Variants in UTY observed in about 807,000 individuals in gnomAD.
The protein encoded by UTY is histone demethylase UTY.
Under a neutral mutation model 32.5 loss-of-function variants are expected in UTY, and 12 were observed. That is an observed-to-expected ratio of 0.37 (90% CI 0.24 to 0.60). The LOEUF is 0.60. Among genes scored for constraint, UTY ranks in the 20% least tolerant of loss-of-function variants. UTY has a pLI of 0.69. For missense variants in UTY, 303 were observed against 299.2 expected, an observed-to-expected ratio of 1.01 and a Z score of -0.09; for synonymous variants, 131 against 103.4, an observed-to-expected ratio of 1.27 and a Z score of -1.62.
intron 6 of UTY, among the ~76,000 whole-genome samples, chrY:13,404,784 C>A: frequency 3.0e-5 from 1 of 32,995 alleles, no homozygotes; most frequent in Non-Finnish European, 7.5e-5. Context: ...TCATGTTGAT[C>A]CGGCTATAGA....
chrY:13,396,794 C>T, intron 7 of UTY, 124 bp downstream of exon 7: 2 of 144,105 alleles, frequency 1.4e-5, no homozygotes, highest in South Asian at 1.2e-4. Flanking sequence ...GATTTAAACT[C>T]TCTGAATCAG....
intron 6 of UTY, among the ~76,000 whole-genome samples, chrY:13,397,304 T>C (rs2068350868): frequency 2.9e-5 from 1 of 33,907 alleles, no homozygotes; most frequent in Non-Finnish European, 7.4e-5. Context: ...TTCATTATTT[T>C]AAAATCTGGA....
intron 27 of UTY, among the ~76,000 whole-genome samples, chrY:13,295,075 A>G (rs2057953514): frequency 3.2e-5 from 1 of 31,502 alleles, no homozygotes; most frequent in African/African-American, 1.2e-4. Context: ...AAAAAAAAAA[A>G]AAAAGAAATA....
chrY:13,462,437 C>A (rs2077452768), intron 3 of UTY, among the ~76,000 whole-genome samples: 1 of 32,589 alleles, frequency 3.1e-5, no homozygotes, highest in South Asian at 6.8e-4. Flanking sequence ...TTTTGTTACT[C>A]CAGAAGTACA....
chrY:13,243,763 C>T, downstream of UTY, among the ~76,000 whole-genome samples: 1 of 32,924 alleles, frequency 3.0e-5, no homozygotes, highest in African/African-American at 1.2e-4. Flanking sequence ...AAAAAAATCA[C>T]AAAAATTAAA....
chrY:13,360,683 C>T (rs72625385), intron 10 of UTY, among the ~76,000 whole-genome samples, 155 bp from the exon 11 acceptor site: 230 of 33,518 alleles, frequency 6.9e-3, no homozygotes, highest in Admixed American at 0.018. Context: ...TGTCGATGTA[C>T]ATTATATGAT....
In UTY at chrY:13,349,367, A is replaced by C; in HGVS notation, c.2061+5636T>G. Among the ~76,000 whole-genome samples, 3 of 32,462 alleles carry C rather than the reference A, an allele frequency of 9.2e-5. No homozygotes were observed. The South Asian group carries it at 2.0e-3, about 22-fold the overall frequency. 87.1% of individuals were successfully genotyped at this position (32,462 alleles called of 37,273 possible). On this transcript the variant is annotated intron_variant, in intron 17 of 29. Coordinates refer to ENST00000545955, the MANE Select transcript of UTY (RefSeq NM_001258249.2). ...AAAAGCTGACCAGCACTTGTGAAGG[A>C]ATCAGCCAAAAGGTAAAGTCTCATT... is the stretch of plus-strand genomic sequence containing the variant.
chrY:13,276,676 C>G, intron 27 of UTY, among the ~76,000 whole-genome samples: 1 of 32,662 alleles, frequency 3.1e-5, no homozygotes, highest in Non-Finnish European at 7.5e-5. Flanking sequence ...GAGCTGAGAT[C>G]CCGTCACTGC....
Position 13,359,349 on chromosome Y carries a change from G to A in UTY, c.1186-127C>T. On this transcript the variant is annotated intron_variant, in intron 12 of 29. Coordinates refer to ENST00000545955, the MANE Select transcript of UTY (RefSeq NM_001258249.2). ...CTAAATTTGGGGATTTTAGGTAGAT[G>A]TTAAATATAAAGAGGGCAACTAGAA... 30 of 212,241 alleles carry A rather than the reference G, an allele frequency of 1.4e-4. No individual in the cohort carries two copies. In the South Asian group the frequency reaches 1.5e-3, roughly 11 times the overall value. 52.9% of individuals were successfully genotyped at this position (212,241 alleles called of 400,897 possible). A position where few individuals can be genotyped will look rare whatever the true frequency, so the allele number is the denominator to read the frequency against.
At chrY:13,355,542 A>T in intron 16 of UTY, 144 bp from the exon 17 acceptor site, 1 of 321,582 alleles carries the variant, frequency 3.1e-6, no homozygotes, top group Non-Finnish European at 4.3e-6. Flanking sequence ...TAAAAAGAAG[A>T]AAGGTGTTTC....
intron 2 of UTY, among the ~76,000 whole-genome samples, chrY:13,474,568 A>G: frequency 2.9e-5 from 1 of 33,970 alleles, no homozygotes; most frequent in Non-Finnish European, 7.3e-5. Flanking sequence ...TAATGCACCA[A>G]TCATAATACA....
intron 27 of UTY, among the ~76,000 whole-genome samples, chrY:13,290,306 C>T (rs2057692096): frequency 3.0e-5 from 1 of 32,914 alleles, no homozygotes; most frequent in African/African-American, 1.2e-4. Flanking sequence ...TAAATACAAT[C>T]AGAGAGGATA....
At chrY:13,257,753 C>G in intron 28 of UTY, among the ~76,000 whole-genome samples, 1 of 32,519 alleles carries the variant, frequency 3.1e-5, no homozygotes, top group Non-Finnish European at 7.5e-5. Flanking sequence ...GAAGAGACTC[C>G]GGGAGGATCC....
chrY:13,361,007 G>T, intron 10 of UTY, among the ~76,000 whole-genome samples: 1 of 33,441 alleles, frequency 3.0e-5, no homozygotes, highest in African/African-American at 1.2e-4. Context: ...TAAATCTATT[G>T]TAAAAATGAT....
At chrY:13,469,141 G>T in intron 3 of UTY, among the ~76,000 whole-genome samples, 2 of 32,427 alleles carry the variant, frequency 6.2e-5, no homozygotes, top group Non-Finnish European at 1.5e-4. Context: ...AATGCTCTTG[G>T]TCAGTGGCTT....
At chrY:13,365,425 A>G (rs780003706) in intron 10 of UTY, among the ~76,000 whole-genome samples, 319 of 30,717 alleles carry the variant, frequency 0.01, no homozygotes, top group Middle Eastern at 0.03. Context: ...AAAAAAAAAA[A>G]AAAAGAAAAG....
intron 21 of UTY, among the ~76,000 whole-genome samples, chrY:13,321,686 A>G: frequency 3.0e-5 from 1 of 33,485 alleles, no homozygotes; most frequent in Non-Finnish European, 7.4e-5. Flanking sequence ...TTCATCTTAT[A>G]TATGTTGATT....
chrY:13,340,343 C>T (rs2061403317), intron 17 of UTY, among the ~76,000 whole-genome samples: 1 of 32,620 alleles, frequency 3.1e-5, no homozygotes, highest in African/African-American at 1.2e-4. Flanking sequence ...GTCCTACAGG[C>T]CCCAAATGAA....
chrY:13,235,490 T>C (rs2053843120), intron 28 of UTY, among the ~76,000 whole-genome samples: 1 of 33,151 alleles, frequency 3.0e-5, no homozygotes, highest in Non-Finnish European at 7.4e-5. Context: ...AACATCAACA[T>C]TAAGACATAA....
Sources: allele counts gnomAD v4.1 joint callset (sites outside exome capture counted in the v4.1 genomes callset), GRCh38; gene constraint gnomAD v4.1.1; transcripts MANE v1.5; gene names NCBI Gene and HGNC (gene_info 2026-07-23, HGNC 2026-07-21).